The following FCHO2 variants were observed in gnomAD, a reference collection of about 807,000 sequenced individuals.
FCHO2 encodes the protein FCH and mu domain containing endocytic adaptor 2, also known as F-BAR domain only protein 2.
A neutral mutation model predicts 114.1 loss-of-function variants in FCHO2; 43 were observed. The observed-to-expected ratio is 0.38, with a 90% CI of 0.30 to 0.49. The LOEUF (loss-of-function observed/expected upper bound fraction) is 0.49, where lower values mean the gene tolerates loss of function less well. Among genes scored for constraint, FCHO2 ranks in the 20% least tolerant of loss-of-function variants. The pLI is 0.97. For synonymous variants in FCHO2, 293 were observed against 315.2 expected, an observed-to-expected ratio of 0.93 and a Z score of 0.75; for missense variants, 807 against 950.4, an observed-to-expected ratio of 0.85 and a Z score of 1.98.
chr5:72,963,966 A>T (rs1046267439), intron 1 of FCHO2, among the ~76,000 whole-genome samples: 1 of 123,056 alleles, frequency 8.1e-6, no homozygotes, highest in Non-Finnish European at 1.6e-5. Context: ...TTAAGTACTG[A>T]TGTGAACAAG....
intron 2 of FCHO2, among the ~76,000 whole-genome samples, chr5:72,971,987 G>A (rs1054753847): frequency 1.3e-5 from 2 of 151,242 alleles, no homozygotes; most frequent in Admixed American, 6.6e-5. Flanking sequence ...TTTTTCTCAG[G>A]TTTGTCAAAG....
At chr5:72,972,749 G>A (rs1752631770) in intron 2 of FCHO2, among the ~76,000 whole-genome samples, 1 of 152,158 alleles carries the variant, frequency 6.6e-6, no homozygotes, top group African/African-American at 2.4e-5. Flanking sequence ...TTGACTAGGA[G>A]TGGTGAGAGA....
intron 24 of FCHO2, among the ~76,000 whole-genome samples, chr5:73,086,805 C>T (rs1743327817): frequency 6.6e-6 from 1 of 152,184 alleles, no homozygotes; most frequent in Middle Eastern, 3.4e-3. Flanking sequence ...TCTCATCTGC[C>T]ACTCCCCTCT....
intron 1 of FCHO2, among the ~76,000 whole-genome samples, chr5:72,958,164 A>C (rs1463839427): frequency 3.3e-5 from 5 of 151,516 alleles, no homozygotes; most frequent in Admixed American, 2.0e-4. Flanking sequence ...GTAACTCATA[A>C]GTTTTTATTT....
chr5:73,003,369 G>A (rs1437048311), intron 5 of FCHO2, among the ~76,000 whole-genome samples: 1 of 151,948 alleles, frequency 6.6e-6, no homozygotes, highest in Non-Finnish European at 1.5e-5. Context: ...TAGAGACAGG[G>A]TCTCACTTTG....
intron 1 of FCHO2, among the ~76,000 whole-genome samples, chr5:72,963,390 TC>T (rs1467323268): frequency 6.6e-6 from 1 of 152,150 alleles, no homozygotes; most frequent in Non-Finnish European, 1.5e-5. Context: ...CTATAGCCTC[TC>T]CCTCTACCCT....
At chr5:72,967,765 G>A (rs1358125605) in intron 1 of FCHO2, among the ~76,000 whole-genome samples, 1 of 152,008 alleles carries the variant, frequency 6.6e-6, no homozygotes, top group Non-Finnish European at 1.5e-5. Context: ...GATTATGGGT[G>A]CATGCCACCA....
chr5:72,967,774 C>T (rs936828572), intron 1 of FCHO2, among the ~76,000 whole-genome samples: 5 of 152,060 alleles, frequency 3.3e-5, no homozygotes, highest in Middle Eastern at 3.2e-3. Context: ...TGCATGCCAC[C>T]ATGCCCGGCT....
intron 7 of FCHO2, among the ~76,000 whole-genome samples, chr5:73,016,340 G>A (rs1406429663): frequency 6.8e-6 from 1 of 146,096 alleles, no homozygotes; most frequent in Non-Finnish European, 1.5e-5. Flanking sequence ...ATTTTAAATT[G>A]TTTAAATATT....
intron 13 of FCHO2, among the ~76,000 whole-genome samples, chr5:73,053,333 A>G (rs1351949460): frequency 1.3e-5 from 2 of 152,190 alleles, no homozygotes; most frequent in Admixed American, 1.3e-4. Context: ...TATTTCTGAA[A>G]TGAGGTTTTA....
intron 22 of FCHO2, among the ~76,000 whole-genome samples, chr5:73,081,444 G>C (rs1000495941): frequency 6.6e-6 from 1 of 152,176 alleles, no homozygotes; most frequent in Admixed American, 6.5e-5. Flanking sequence ...AATGTTGGAA[G>C]ATTCGCAAAC....
intron 22 of FCHO2, among the ~76,000 whole-genome samples, chr5:73,078,750 G>C (rs1385261994): frequency 6.6e-6 from 1 of 152,142 alleles, no homozygotes; most frequent in Non-Finnish European, 1.5e-5. Flanking sequence ...ATTGCTTACA[G>C]GTGATATATT....
chr5:72,985,496 G>A (rs890483781), intron 2 of FCHO2, among the ~76,000 whole-genome samples: 4 of 152,100 alleles, frequency 2.6e-5, no homozygotes, highest in Non-Finnish European at 5.9e-5. Flanking sequence ...CTTCTTAGGT[G>A]GTGGTGTGTA....
chr5:73,065,394 C>A (rs889016606), intron 18 of FCHO2, among the ~76,000 whole-genome samples: 1 of 151,846 alleles, frequency 6.6e-6, no homozygotes, highest in Admixed American at 6.6e-5. Context: ...TATTTCACCA[C>A]CCAAAGATAA....
At chr5:72,962,634 C>T (rs1370074124) in intron 1 of FCHO2, among the ~76,000 whole-genome samples, 1 of 152,130 alleles carries the variant, frequency 6.6e-6, no homozygotes, top group South Asian at 2.1e-4. Flanking sequence ...GTGGCTCACG[C>T]CTGTAATCCC....
Position 72,961,886 on chromosome 5 carries a change from C to G in FCHO2, c.33+5757C>G, listed in dbSNP as rs374260522. On this transcript the variant is annotated intron_variant, in intron 1 of 25. Transcript: ENST00000430046. The stretch of plus-strand genomic sequence containing the variant: ...GATTACAGGCATGAGCCACCATGCC[C>G]GGCTTCACCATTACCAATTTCTTAT... 3.3e-5 allele frequency among the ~76,000 whole-genome samples: 5 copies of G among 152,184 alleles called. No individual in the cohort carries two copies. The East Asian group carries it at 5.8e-4, about 18-fold the overall frequency.
At chr5:73,029,808 C>T (rs1756132919) in intron 8 of FCHO2, among the ~76,000 whole-genome samples, 1 of 152,068 alleles carries the variant, frequency 6.6e-6, no homozygotes, top group Admixed American at 6.6e-5. Flanking sequence ...TTAGCGAGAA[C>T]ACACTTATTA....
chr5:72,977,377 T>C (rs1168633335), intron 2 of FCHO2, among the ~76,000 whole-genome samples: 1 of 152,220 alleles, frequency 6.6e-6, no homozygotes, highest in African/African-American at 2.4e-5. Flanking sequence ...TAATGACCAG[T>C]GATGATGAGC....
chr5:72,961,664 A>G (rs1751877927), intron 1 of FCHO2, among the ~76,000 whole-genome samples: 1 of 150,784 alleles, frequency 6.6e-6, no homozygotes, highest in Non-Finnish European at 1.5e-5. Flanking sequence ...GCGCGATCTC[A>G]GCTCGCTGCA....
Sources: gnomAD v4.1 joint callset for allele counts (sites outside exome capture counted in the v4.1 genomes callset) on GRCh38, gnomAD v4.1.1 for gene constraint, MANE v1.5 for transcripts, NCBI Gene and HGNC (gene_info 2026-07-23, HGNC 2026-07-21) for gene names.